SLC25A12: variants seen among roughly 807,000 people sequenced by gnomAD.
SLC25A12 encodes the protein solute carrier family 25 member 12, also known as electrogenic aspartate/glutamate antiporter SLC25A12, mitochondrial.
A neutral mutation model predicts 83.3 loss-of-function variants in SLC25A12; 32 were observed. The ratio of observed to expected loss-of-function variants is 0.38; its 90% CI spans 0.29 to 0.52. The LOEUF (loss-of-function observed/expected upper bound fraction) is 0.52, where lower values mean the gene tolerates loss of function less well. Ranked by LOEUF, SLC25A12 falls within the 20% of genes least tolerant of loss-of-function variation. SLC25A12 has a pLI of 0.84. For missense variants in SLC25A12, 611 were observed against 835.6 expected, an observed-to-expected ratio of 0.73 and a Z score of 3.31; for synonymous variants, 267 against 291.1, an observed-to-expected ratio of 0.92 and a Z score of 0.84.
At chr2:171,868,031 A>T (rs1685374076) in intron 3 of SLC25A12, among the ~76,000 whole-genome samples, 1 of 151,928 alleles carries the variant, frequency 6.6e-6, no homozygotes, top group African/African-American at 2.4e-5. Context: ...TTTTTTTAGT[A>T]GAGATGGGGT....
At chr2:171,856,104 G>T (rs558171183) in intron 3 of SLC25A12, among the ~76,000 whole-genome samples, 155 bp from the exon 4 acceptor site, 82 of 152,284 alleles carry the variant, frequency 5.4e-4, no homozygotes, top group African/African-American at 1.9e-3. Context: ...AGGAAGGAAA[G>T]GAGAATTAGA....
chr2:171,826,744 G>T, intron 9 of SLC25A12, 54 bp downstream of exon 9: 1 of 973,552 alleles, frequency 1.0e-6, no homozygotes, highest in Non-Finnish European at 1.7e-6. Flanking sequence ...CTCCTATTTA[G>T]TCTACTAGTT....
At chr2:171,800,166 A>G (rs1484379687) in intron 13 of SLC25A12, among the ~76,000 whole-genome samples, 1 of 152,200 alleles carries the variant, frequency 6.6e-6, no homozygotes, top group East Asian at 1.9e-4. Context: ...TATAAACATC[A>G]TTAATAAAAG....
At chr2:171,830,143 C>T (rs1684399620) in intron 8 of SLC25A12, among the ~76,000 whole-genome samples, 1 of 152,186 alleles carries the variant, frequency 6.6e-6, no homozygotes, top group Non-Finnish European at 1.5e-5. Flanking sequence ...AGTATTACTA[C>T]CTTCAGTATG....
chr2:171,872,261 G>C (rs1685472067), intron 2 of SLC25A12, among the ~76,000 whole-genome samples: 1 of 151,876 alleles, frequency 6.6e-6, no homozygotes, highest in African/African-American at 2.4e-5. Context: ...ATAAACACAG[G>C]ATAAAGAAAA....
intron 2 of SLC25A12, among the ~76,000 whole-genome samples, chr2:171,876,531 GTT>G (rs749154864): frequency 4.2e-5 from 3 of 71,480 alleles, no homozygotes; most frequent in Non-Finnish European, 2.9e-5. Flanking sequence ...AGGGGTTTGG[GTT>G]TTTTTTTTTT....
At chr2:171,837,472 G>A (rs1684583697) in intron 5 of SLC25A12, among the ~76,000 whole-genome samples, 1 of 151,998 alleles carries the variant, frequency 6.6e-6, no homozygotes, top group African/African-American at 2.4e-5. Flanking sequence ...TTACTCCTCA[G>A]GAAAAAGAAT....
At chr2:171,834,361 A>C (rs1684510802) in intron 7 of SLC25A12, 1 of 421,840 alleles carries the variant, frequency 2.4e-6, no homozygotes, top group African/African-American at 2.0e-5. Flanking sequence ...GTTATAATAC[A>C]AAAAAAGTGG....
intron 6 of SLC25A12, among the ~76,000 whole-genome samples, chr2:171,836,509 T>C (rs1227830202): frequency 2.0e-5 from 3 of 152,210 alleles, no homozygotes; most frequent in African/African-American, 4.8e-5. Context: ...GCATACAGAC[T>C]GAATGTACAG....
At chr2:171,812,598 G>A (rs1558915591) in intron 11 of SLC25A12, among the ~76,000 whole-genome samples, 2 of 143,058 alleles carry the variant, frequency 1.4e-5, no homozygotes, top group Non-Finnish European at 3.1e-5. Flanking sequence ...TCTCCAAAGA[G>A]ACAAGTTCCT....
At chr2:171,817,623 A>AAAAAAAAAAAG (rs1684081952) in intron 9 of SLC25A12, among the ~76,000 whole-genome samples, 2 of 149,830 alleles carry the variant, frequency 1.3e-5, no homozygotes, top group Non-Finnish European at 3.0e-5. Flanking sequence ...AAAAAAAAAA[A>AAAAAAAAAAAG]TGTATGTAGA....
intron 4 of SLC25A12, 112 bp downstream of exon 4, chr2:171,855,722 A>T: frequency 2.6e-6 from 2 of 766,784 alleles, no homozygotes; most frequent in Non-Finnish European, 4.7e-6. Context: ...AGGAAATTCA[A>T]TTATGGGTCA....
rs114084658 is a variant in SLC25A12 at position 171,870,664 on chromosome 2, G to A, written c.67-1841C>T. Reference sequence around the variant, plus strand: ...AAATATACTGACAGGAATGTGAGAGGAAGTAGTACAAGGAAGCTAAGACCT... The same window carrying A: ...AAATATACTGACAGGAATGTGAGAGAAAGTAGTACAAGGAAGCTAAGACCT... On this transcript the variant is annotated intron_variant, in intron 2 of 17. Coordinates refer to ENST00000422440, the MANE Select transcript of SLC25A12 (RefSeq NM_003705.5). 1.1e-3 allele frequency among the ~76,000 whole-genome samples: 163 copies of A among 152,152 alleles called. 1 individual carries two copies. The highest frequency in any genetic ancestry group is 3.7e-3 in the African/African-American group (155 of 41,520).
intron 2 of SLC25A12, among the ~76,000 whole-genome samples, chr2:171,892,609 C>CT (rs550946932): frequency 8.7e-5 from 13 of 149,592 alleles, no homozygotes; most frequent in African/African-American, 1.2e-4. Flanking sequence ...CTAAGCCAAC[C>CT]TTTTTTTTTT....
chr2:171,807,061 C>T (rs1421337858), intron 13 of SLC25A12, among the ~76,000 whole-genome samples: 1 of 152,194 alleles, frequency 6.6e-6, no homozygotes, highest in Non-Finnish European at 1.5e-5. Context: ...TGGGGAGAAA[C>T]AGTGAATTAT....
intron 2 of SLC25A12, among the ~76,000 whole-genome samples, chr2:171,884,673 G>A (rs1685775018): frequency 6.6e-6 from 1 of 151,826 alleles, no homozygotes; most frequent in Non-Finnish European, 1.5e-5. Context: ...TACTCAGGAG[G>A]CTGAGGCAGG....
At chr2:171,869,445 C>T (rs912528416) in intron 2 of SLC25A12, among the ~76,000 whole-genome samples, 4 of 152,136 alleles carry the variant, frequency 2.6e-5, no homozygotes, top group Non-Finnish European at 5.9e-5. Context: ...CAGAGGCTTC[C>T]TGTCTACAAG....
chr2:171,860,047 C>T (rs1435122756), intron 3 of SLC25A12, among the ~76,000 whole-genome samples: 1 of 152,082 alleles, frequency 6.6e-6, no homozygotes, highest in Non-Finnish European at 1.5e-5. Context: ...CGGATTACAG[C>T]CATGAGCCAC....
intron 9 of SLC25A12, among the ~76,000 whole-genome samples, chr2:171,825,596 C>T (rs1035663583): frequency 3.3e-5 from 5 of 152,094 alleles, no homozygotes; most frequent in African/African-American, 1.2e-4. Flanking sequence ...TCTCTGTATC[C>T]TGTCTTCTTT....
Sources: allele counts gnomAD v4.1 joint callset (sites outside exome capture counted in the v4.1 genomes callset), GRCh38; gene constraint gnomAD v4.1.1; transcripts MANE v1.5; gene names NCBI Gene and HGNC (gene_info 2026-07-23, HGNC 2026-07-21).